KCNC4: variants seen among roughly 807,000 people sequenced by gnomAD.
KCNC4 encodes voltage-gated potassium channel KCNC4.
A neutral mutation model predicts 42.8 loss-of-function variants in KCNC4; 23 were observed. The observed-to-expected ratio is 0.54, with a 90% CI of 0.39 to 0.76. KCNC4 has a LOEUF of 0.76. Among genes scored for constraint, KCNC4 ranks in the 30% least tolerant of loss-of-function variants. KCNC4 has a pLI of 0.00. For synonymous variants in KCNC4, 422 were observed against 393.5 expected, an observed-to-expected ratio of 1.07 and a Z score of -0.86; for missense variants, 751 against 898.2, an observed-to-expected ratio of 0.84 and a Z score of 2.10.
chr1:110,232,508 C>T, intron 3 of KCNC4: 1 of 1,438,096 alleles, frequency 7.0e-7, no homozygotes, highest in Non-Finnish European at 9.1e-7. Context: ...CCATGCAAGG[C>T]TGCAGAGCTA....
At chr1:110,216,753 A>T (rs1657815695) in intron 1 of KCNC4, among the ~76,000 whole-genome samples, 1 of 152,092 alleles carries the variant, frequency 6.6e-6, no homozygotes, top group Admixed American at 6.5e-5. Context: ...CCCTGTGCGT[A>T]ACTGACTTGC....
intron 1 of KCNC4, among the ~76,000 whole-genome samples, chr1:110,256,375 A>T (rs1203766986): frequency 6.6e-6 from 1 of 152,218 alleles, no homozygotes; most frequent in East Asian, 1.9e-4. Flanking sequence ...GAGAATATTT[A>T]CTGTGACCCT....
chr1:110,217,992 T>C (rs1202561612), intron 1 of KCNC4, among the ~76,000 whole-genome samples: 2 of 152,198 alleles, frequency 1.3e-5, no homozygotes, highest in Non-Finnish European at 1.5e-5. Context: ...CAGATCTTAC[T>C]CTGCCAGTGT....
chr1:110,275,229 T>A (rs372951538), intron 1 of KCNC4, among the ~76,000 whole-genome samples: 3 of 151,874 alleles, frequency 2.0e-5, no homozygotes, highest in African/African-American at 7.3e-5. Flanking sequence ...AAAGAAGACA[T>A]ACAAATGGCC....
chr1:110,262,194 G>A (rs1439128615), intron 1 of KCNC4, among the ~76,000 whole-genome samples: 2 of 152,174 alleles, frequency 1.3e-5, no homozygotes, highest in Admixed American at 6.5e-5. Flanking sequence ...AAAATACAAA[G>A]TTATAAAAAT....
intron 1 of KCNC4, among the ~76,000 whole-genome samples, chr1:110,275,762 T>C (rs1659708106): frequency 6.6e-6 from 1 of 151,856 alleles, no homozygotes; most frequent in African/African-American, 2.4e-5. Context: ...ATCGAGACCA[T>C]TCTGGCTAAC....
intron 3 of KCNC4, among the ~76,000 whole-genome samples, chr1:110,227,658 C>G (rs975573099): frequency 2.0e-5 from 3 of 152,228 alleles, no homozygotes; most frequent in Non-Finnish European, 4.4e-5. Context: ...CAAAGCCTTG[C>G]TCTGGCTGGA....
chr1:110,275,351 T>C (rs1194642729), intron 1 of KCNC4, among the ~76,000 whole-genome samples: 3 of 151,972 alleles, frequency 2.0e-5, no homozygotes, highest in African/African-American at 7.3e-5. Context: ...TATTAAAAAG[T>C]CAAAAAAATA....
chr1:110,259,054 AGATG>A (rs1659382797), intron 1 of KCNC4, among the ~76,000 whole-genome samples: 1 of 152,190 alleles, frequency 6.6e-6, no homozygotes, highest in African/African-American at 2.4e-5. Context: ...AGCCTGTCAC[AGATG>A]GCTCTGTTTA....
chr1:110,222,036 C>G (rs1460978503), intron 1 of KCNC4: 2 of 152,218 alleles, frequency 1.3e-5, no homozygotes, highest in African/African-American at 2.4e-5. Flanking sequence ...CGAGATCAGC[C>G]CCTGCCACTC....
At chr1:110,277,535 C>T (rs1227777840) in intron 1 of KCNC4, among the ~76,000 whole-genome samples, 1 of 152,162 alleles carries the variant, frequency 6.6e-6, no homozygotes, top group Non-Finnish European at 1.5e-5. Flanking sequence ...CCTTCAATAC[C>T]AAGATCTATA....
chr1:110,223,811 A>G lies in KCNC4; in HGVS notation c.1526A>G (p.Lys509Arg). 6.2e-7 allele frequency: 1 copy of G among 1,613,950 alleles called. No individual in the cohort carries two copies. Among genetic ancestry groups the G allele is most frequent in the South Asian group, 1.1e-5 (1 of 91,080 alleles). Residue 509 changes from lysine to arginine, a missense_variant, in exon 2 of 4, where the codon AAG becomes AGG. This residue lies in a region of KCNC4 where 202 missense variants were observed against 181.5 expected (regional missense o/e 1.11). Transcript: ENST00000438661. The surrounding 1 kb of genome is among the most constrained non-coding windows in gnomAD (Gnocchi z 7.5). ...PAQLESPMYC[K>R]SEETSPRDST... ...CAGCTGGAGTCACCCATGTACTGCA[A>G]GTCTGAGGAGACTTCCCCCCGGGAC...
chr1:110,278,834 G>T (rs763993183), intron 1 of KCNC4, among the ~76,000 whole-genome samples: 13 of 152,128 alleles, frequency 8.5e-5, no homozygotes, highest in Non-Finnish European at 1.6e-4. Flanking sequence ...GGGGACAGAG[G>T]TATCACTTGT....
At chr1:110,231,665 C>T (rs1473201390) in intron 3 of KCNC4, among the ~76,000 whole-genome samples, 5 of 152,152 alleles carry the variant, frequency 3.3e-5, no homozygotes, top group Non-Finnish European at 7.4e-5. Flanking sequence ...GCTTAAGTTA[C>T]GCAGACAGGA....
downstream of KCNC4, chr1:110,234,301 A>G (rs1380386326): frequency 6.6e-6 from 1 of 152,190 alleles, no homozygotes; most frequent in Non-Finnish European, 1.5e-5. Context: ...GCTGTCCCCA[A>G]GCCCCTGCCA....
chr1:110,236,761 C>T (rs2101049712), downstream of KCNC4: 1 of 152,208 alleles, frequency 6.6e-6, no homozygotes, highest in Admixed American at 6.5e-5. Context: ...TGAGGAGTGG[C>T]TCAAGCTGGA....
intron 3 of KCNC4, among the ~76,000 whole-genome samples, chr1:110,230,675 T>C (rs1029960280): frequency 6.6e-6 from 1 of 152,196 alleles, no homozygotes; most frequent in Non-Finnish European, 1.5e-5. Flanking sequence ...GCTGGAGCCC[T>C]AATGCCTCGG....
intron 1 of KCNC4, among the ~76,000 whole-genome samples, chr1:110,280,390 T>G (rs1338897325): frequency 1.3e-5 from 2 of 151,688 alleles, no homozygotes; most frequent in Non-Finnish European, 3.0e-5. Flanking sequence ...TTGAAGACTC[T>G]GGGGGAGGGA....
downstream of KCNC4, chr1:110,236,258 C>G (rs943665744): frequency 6.6e-6 from 1 of 152,156 alleles, no homozygotes; most frequent in African/African-American, 2.4e-5. Flanking sequence ...TTATCCTTAC[C>G]TTTGTTTTAC....
Sources: gnomAD v4.1 joint callset for allele counts (sites outside exome capture counted in the v4.1 genomes callset) on GRCh38, gnomAD v4.1.1 for gene constraint, gnomAD v4.1.1 regional missense constraint, Gnocchi (gnomAD v3.1) non-coding constraint, MANE v1.5 for transcripts, NCBI Gene and HGNC (gene_info 2026-07-23, HGNC 2026-07-21) for gene names.